Variants in RBM41 observed in about 807,000 individuals in gnomAD.
The protein encoded by RBM41 is RNA binding motif protein 41, also known as RNA-binding protein 41.
Under a neutral mutation model 30.8 loss-of-function variants are expected in RBM41, and 14 were observed. That is an observed-to-expected ratio of 0.45 (90% CI 0.30 to 0.71). The LOEUF is 0.71. Among genes scored for constraint, RBM41 ranks in the 30% least tolerant of loss-of-function variants. The pLI is 0.08. For synonymous variants in RBM41, 120 were observed against 110.1 expected, an observed-to-expected ratio of 1.09 and a Z score of -0.56; for missense variants, 276 against 326.3, an observed-to-expected ratio of 0.85 and a Z score of 1.19.
intron 5 of RBM41, among the ~76,000 whole-genome samples, chrX:107,106,440 C>G (rs1177238910): frequency 9.0e-6 from 1 of 111,429 alleles, no homozygotes; most frequent in Admixed American, 9.5e-5. Context: ...ACTAGTTCAA[C>G]CATTGTGGAA....
At chrX:107,074,108 TAGA>T (rs1439732119) in intron 6 of RBM41, among the ~76,000 whole-genome samples, 4 of 110,946 alleles carry the variant, frequency 3.6e-5, no homozygotes, top group Non-Finnish European at 7.6e-5. Context: ...ATCAAATAGC[TAGA>T]AGAAGGATAT....
Position 107,061,984 on chromosome X carries a change from T to C in RBM41, c.*5543A>G, listed in dbSNP as rs1245261143. 8.9e-6 allele frequency among the ~76,000 whole-genome samples: 1 copy of C among 112,302 alleles called. No individual in the cohort carries two copies. The highest frequency in any genetic ancestry group is 1.9e-5 in the Non-Finnish European group (1 of 53,295). The stretch of plus-strand genomic sequence containing the variant: ...AAGCCTATGGGTTTTGACAAATGCA[T>C]ATACTTATGTAACTACAATAAAGAC... On this transcript the variant is annotated 3_prime_UTR_variant, in exon 8 of 8. Coordinates refer to ENST00000685964, the MANE Select transcript of RBM41 (RefSeq NM_001324242.2).
intron 5 of RBM41, among the ~76,000 whole-genome samples, chrX:107,107,702 T>A (rs751427121): frequency 9.0e-6 from 1 of 111,434 alleles, no homozygotes; most frequent in East Asian, 2.8e-4. Context: ...GAATGATTCA[T>A]TGTCAAGATG....
intron 5 of RBM41, among the ~76,000 whole-genome samples, chrX:107,108,832 G>A (rs1273647084): frequency 2.0e-4 from 22 of 110,447 alleles, no homozygotes; most frequent in Admixed American, 1.8e-3. Flanking sequence ...GACCAGTTCT[G>A]GAGCACCATA....
chrX:107,083,839 G>A (rs1259725456), intron 6 of RBM41, among the ~76,000 whole-genome samples: 2 of 109,204 alleles, frequency 1.8e-5, no homozygotes, highest in African/African-American at 6.6e-5. Context: ...ATTAATCGTG[G>A]TTATTTTAAA....
At chrX:107,082,412 T>C (rs1299296086) in intron 6 of RBM41, among the ~76,000 whole-genome samples, 1 of 111,721 alleles carries the variant, frequency 9.0e-6, no homozygotes, top group East Asian at 2.8e-4. Flanking sequence ...TTTGATTACC[T>C]AACATTTTGA....
At chrX:107,070,236 C>T (rs1373196794) in intron 6 of RBM41, 1 of 331,285 alleles carries the variant, frequency 3.0e-6, no homozygotes. Context: ...AAACTTGAGG[C>T]TCATTGTCAG....
chrX:107,085,460 G>A (rs1223390591), intron 6 of RBM41, among the ~76,000 whole-genome samples: 2 of 109,608 alleles, frequency 1.8e-5, no homozygotes, highest in Non-Finnish European at 3.8e-5. Context: ...TAGAGACGGG[G>A]TTTTGCCACA....
chrX:107,117,948 AT>A (rs896164099), intron 1 of RBM41, among the ~76,000 whole-genome samples: 39 of 111,833 alleles, frequency 3.5e-4, no homozygotes, highest in East Asian at 1.1e-3. Flanking sequence ...TCATAAAAAA[AT>A]ATTAAAGGTT....
chrX:107,100,115 T>C (rs757404585), intron 5 of RBM41, among the ~76,000 whole-genome samples: 1 of 111,893 alleles, frequency 8.9e-6, no homozygotes, highest in East Asian at 2.8e-4. Context: ...CATTTGATAT[T>C]TTCCAAAATA....
intron 6 of RBM41, among the ~76,000 whole-genome samples, chrX:107,087,144 C>T (rs752159733): frequency 1.0e-4 from 11 of 110,491 alleles, no homozygotes; most frequent in Admixed American, 3.9e-4. Context: ...ATCTATAATG[C>T]TTTATTATTT....
the RBM41 span, among the ~76,000 whole-genome samples, chrX:107,054,865 C>A: frequency 1.8e-5 from 2 of 111,917 alleles, no homozygotes; most frequent in Middle Eastern, 4.6e-3. Context: ...CTAAAAGCAA[C>A]CATCTAGACA....
At chrX:107,068,829 T>C (rs903888367) in intron 7 of RBM41, among the ~76,000 whole-genome samples, 8 of 112,403 alleles carry the variant, frequency 7.1e-5, no homozygotes, top group Non-Finnish European at 1.5e-4. Context: ...GAAGACTGTA[T>C]CATCATCTAC....
chrX:107,069,360 C>T lies in RBM41; in HGVS notation c.1042G>A (p.Asp348Asn). ...AACCGAGCGAACAATGACACAAGAT[C>T]TCTTTCAGTCACCCGAGGGCTAAGG... ...KNLSPRVTER[D>N]LVSLFARFQE... The change falls in exon 7 of 8, where the codon GAT becomes AAT. Residue 348 changes from aspartate to asparagine, a missense_variant. By Grantham distance (23) the Asp-to-Asn change is conservative. Coordinates refer to ENST00000685964, the MANE Select transcript of RBM41 (RefSeq NM_001324242.2). 8.3e-7 allele frequency: 1 copy of T among 1,206,962 alleles called. No individual in the cohort carries two copies. Among genetic ancestry groups the T allele is most frequent in the Non-Finnish European group, 1.1e-6 (1 of 891,916 alleles).
In RBM41 at chrX:107,066,938, A is replaced by G; in HGVS notation, c.*589T>C. On this transcript the variant is annotated 3_prime_UTR_variant, in exon 8 of 8. Coordinates refer to ENST00000685964, the MANE Select transcript of RBM41 (RefSeq NM_001324242.2). ...ACATTTTGATCTAAAATATTTCACT[A>G]GAAAAATATATAGCTTTTTGAAGAC... 1.3e-6 allele frequency: 1 copy of G among 749,003 alleles called. No individual in the cohort carries two copies. Among genetic ancestry groups the G allele is most frequent in the African/African-American group, 2.3e-5 (1 of 43,649 alleles). The allele number at this position is 749,003 out of a possible 1,213,427, so 61.7% of individuals were successfully genotyped here.
At chrX:107,055,449 C>T in the RBM41 span, among the ~76,000 whole-genome samples, 8 of 111,621 alleles carry the variant, frequency 7.2e-5, no homozygotes, top group Non-Finnish European at 1.1e-4. Flanking sequence ...CTCAGCCTCC[C>T]GAGTAGCTGG....
chrX:107,074,726 T>C (rs1229982120), intron 6 of RBM41, among the ~76,000 whole-genome samples: 2 of 111,702 alleles, frequency 1.8e-5, no homozygotes, highest in Non-Finnish European at 1.9e-5. Context: ...GAAAGACTTG[T>C]ACACTGAAAA....
chrX:107,052,340 T>C, the RBM41 span, among the ~76,000 whole-genome samples: 56 of 111,053 alleles, frequency 5.0e-4, no homozygotes, highest in African/African-American at 1.8e-3. Flanking sequence ...ATTGGTCGGG[T>C]GTGAGCTAAG....
the RBM41 span, among the ~76,000 whole-genome samples, chrX:107,055,333 A>AT: frequency 1.3e-4 from 14 of 109,618 alleles, no homozygotes; most frequent in East Asian, 2.9e-4. Context: ...TTTTTTTATT[A>AT]TTTTTTTTTG....
Sources: gnomAD v4.1 joint callset for allele counts (sites outside exome capture counted in the v4.1 genomes callset) on GRCh38, gnomAD v4.1.1 for gene constraint, MANE v1.5 for transcripts, NCBI Gene and HGNC (gene_info 2026-07-23, HGNC 2026-07-21) for gene names.